Variants in USP34 observed in about 807,000 individuals in gnomAD.
USP34 encodes ubiquitin carboxyl-terminal hydrolase 34.
In USP34, 70 loss-of-function variants were observed where a neutral mutation model predicts 460.3. The ratio of observed to expected loss-of-function variants is 0.15; its 90% CI spans 0.13 to 0.19. USP34 has a LOEUF of 0.19. Among genes scored for constraint, USP34 ranks in the 10% least tolerant of loss-of-function variants. USP34 has a pLI of 1.00. For synonymous variants in USP34, 1,647 were observed against 1,405.3 expected (o/e 1.17, Z -3.85); for missense variants, 3,985 against 4,236.2 (o/e 0.94, Z 1.65).
chr2:61,382,043 C>T (rs764078430), intron 6 of USP34, among the ~76,000 whole-genome samples: 18 of 152,058 alleles, frequency 1.2e-4, no homozygotes, highest in Admixed American at 3.3e-4. Context: ...TTTTCACTTA[C>T]ATTCATCCAA....
At chr2:61,363,718 T>C (rs1025383747) in intron 10 of USP34, among the ~76,000 whole-genome samples, 8 of 152,126 alleles carry the variant, frequency 5.3e-5, no homozygotes, top group African/African-American at 1.7e-4. Flanking sequence ...ATATACAAAA[T>C]AACTGAAAGC....
At chr2:61,441,399 T>C (rs905083170) in intron 1 of USP34, among the ~76,000 whole-genome samples, 1 of 151,996 alleles carries the variant, frequency 6.6e-6, no homozygotes, top group Non-Finnish European at 1.5e-5. Context: ...GCAGTAAATT[T>C]TGGAGCTTTA....
At chr2:61,299,791 T>C (rs561977173) in intron 29 of USP34, among the ~76,000 whole-genome samples, 5 of 152,182 alleles carry the variant, frequency 3.3e-5, no homozygotes, top group Admixed American at 6.5e-5. Context: ...GGCATCTTTA[T>C]AGTGATAACC....
chr2:61,298,248 G>A (rs1490723983), intron 29 of USP34, among the ~76,000 whole-genome samples: 4 of 150,998 alleles, frequency 2.6e-5, no homozygotes, highest in Non-Finnish European at 5.9e-5. Context: ...GCAGCTGGGT[G>A]CAGTGGCTCC....
intron 18 of USP34, among the ~76,000 whole-genome samples, chr2:61,334,865 T>C (rs1360207339): frequency 2.0e-5 from 3 of 152,222 alleles, no homozygotes; most frequent in Non-Finnish European, 4.4e-5. Context: ...TTATAAGTGC[T>C]GAATTATTGA....
At chr2:61,412,219 AAAG>A (rs1694061998) in intron 2 of USP34, among the ~76,000 whole-genome samples, 1 of 150,316 alleles carries the variant, frequency 6.7e-6, no homozygotes, top group Non-Finnish European at 1.5e-5. Flanking sequence ...AAAAGGAAGA[AAAG>A]AAAGAAACAG....
At chr2:61,350,980 T>C (rs1376223129) in intron 10 of USP34, among the ~76,000 whole-genome samples, 1 of 152,182 alleles carries the variant, frequency 6.6e-6, no homozygotes, top group Non-Finnish European at 1.5e-5. Flanking sequence ...TCCAATACTT[T>C]GAGAGGCTGA....
At position 61,382,840 on chromosome 2, in the gene USP34, T is replaced by C. The variant is rs1235845212; in HGVS notation, c.821+429A>G. 2.6e-5 allele frequency among the ~76,000 whole-genome samples: 4 copies of C among 152,212 alleles called. No homozygotes were observed. The South Asian group carries it at 6.2e-4, about 24-fold the overall frequency. On this transcript the variant is annotated intron_variant, in intron 6 of 79. Coordinates refer to ENST00000398571, the MANE Select transcript of USP34 (RefSeq NM_014709.4). ...ACCCCCTAGAACTCTCAAGCCACCTTTGCTGCTATTTATCCTATAATACTT... is the reference window on the plus strand; with the variant it reads ...ACCCCCTAGAACTCTCAAGCCACCTCTGCTGCTATTTATCCTATAATACTT...
intron 34 of USP34, among the ~76,000 whole-genome samples, chr2:61,285,479 T>G (rs1381290897): frequency 1.2e-5 from 1 of 84,696 alleles, no homozygotes; most frequent in Non-Finnish European, 2.4e-5. Flanking sequence ...AAAATGAGAA[T>G]CTGTCTCAAA....
At chr2:61,457,835 G>T (rs1361943881) in intron 1 of USP34, among the ~76,000 whole-genome samples, 1 of 152,118 alleles carries the variant, frequency 6.6e-6, no homozygotes, top group African/African-American at 2.4e-5. Flanking sequence ...GTGACAGAGT[G>T]AGACCCTGTC....
At chr2:61,446,064 G>C (rs1257859292) in intron 1 of USP34, among the ~76,000 whole-genome samples, 2 of 146,176 alleles carry the variant, frequency 1.4e-5, no homozygotes, top group Non-Finnish European at 3.0e-5. Context: ...CAGTGAGCCA[G>C]GATTGCACCA....
At chr2:61,279,089 G>A (rs1049318382) in intron 39 of USP34, among the ~76,000 whole-genome samples, 2 of 150,662 alleles carry the variant, frequency 1.3e-5, no homozygotes, top group Admixed American at 6.6e-5. Context: ...AAATGGGCAA[G>A]CCCAGGTTGT....
Position 61,348,320 on chromosome 2 carries a change from T to C in USP34, c.1835A>G (p.Glu612Gly). 6.2e-7 allele frequency: 1 copy of C among 1,614,214 alleles called. No individual in the cohort carries two copies. Among genetic ancestry groups the C allele is most frequent in the Non-Finnish European group, 8.5e-7 (1 of 1,180,030 alleles). Residue 612 changes from glutamate to glycine, a missense_variant, in exon 15 of 80, where the codon GAA (glutamate) becomes GGA (glycine). Glu to Gly is a moderately conservative substitution (Grantham distance 98, BLOSUM62 -2). Around this residue, in one of 14 missense-constraint regions of USP34, gnomAD observed 716 missense variants for 626.2 expected, o/e 1.14. Transcript: ENST00000398571. ...AGSPGSEVQS[E>G]DIADIEALKE... ...GAGGGCTTCAATATCTGCAATGTCT[T>C]CTGACTGTACCTCACTGCCAGGGCT...
Position 61,228,984 on chromosome 2 carries a change from A to G in USP34, c.7211T>C (p.Met2404Thr), listed in dbSNP as rs1310563953. 7 of 1,586,788 alleles carry G rather than the reference A, an allele frequency of 4.4e-6. No homozygotes were observed. The highest frequency in any genetic ancestry group is 4.3e-6 in the Non-Finnish European group (5 of 1,166,930). Residue 2404 changes from methionine (M) to threonine (T), a missense_variant, in exon 60 of 80, where the codon ATG becomes ACG. Met to Thr is a moderately conservative substitution (Grantham distance 81, BLOSUM62 -1). This residue lies in a region of USP34 where 604 missense variants were observed against 684.8 expected (regional missense o/e 0.88). Coordinates refer to ENST00000398571, the MANE Select transcript of USP34 (RefSeq NM_014709.4). The part of the protein sequence containing the change: ...QPGMEDGSDD[M>T]DTSVEDIGGR... ...ACCAATATCTTCTACTGAGGTATCC[A>G]TATCATCTGACCTAAGAGACAATTA...
chr2:61,412,703 A>G (rs1470034618), intron 2 of USP34, among the ~76,000 whole-genome samples: 1 of 151,994 alleles, frequency 6.6e-6, no homozygotes, highest in Admixed American at 6.6e-5. Flanking sequence ...AACCTGGGCA[A>G]CATCGCGAGA....
chr2:61,242,080 T>A (rs1037745666), intron 51 of USP34, among the ~76,000 whole-genome samples: 1 of 152,078 alleles, frequency 6.6e-6, no homozygotes, highest in Admixed American at 6.6e-5. Flanking sequence ...AATTTTACTA[T>A]AACAAAAGAA....
intron 20 of USP34, among the ~76,000 whole-genome samples, chr2:61,329,274 C>A (rs1305454708): frequency 6.6e-6 from 1 of 152,042 alleles, no homozygotes. Flanking sequence ...GATCTGCCTG[C>A]CTCAGCCTCC....
chr2:61,359,132 A>G (rs1692196205), intron 10 of USP34, among the ~76,000 whole-genome samples: 1 of 152,222 alleles, frequency 6.6e-6, no homozygotes, highest in Non-Finnish European at 1.5e-5. Context: ...GACTGTAAAT[A>G]GCCAGAACAG....
intron 10 of USP34, among the ~76,000 whole-genome samples, chr2:61,356,954 T>G (rs1054023523): frequency 3.9e-5 from 6 of 152,088 alleles, no homozygotes; most frequent in African/African-American, 1.4e-4. Flanking sequence ...GATATGACCA[T>G]AAACATTATG....
Sources: allele counts gnomAD v4.1 joint callset (sites outside exome capture counted in the v4.1 genomes callset), GRCh38; gene constraint gnomAD v4.1.1; regional missense constraint gnomAD v4.1.1; transcripts MANE v1.5; gene names NCBI Gene and HGNC (gene_info 2026-07-23, HGNC 2026-07-21).